SMARCB1: variants seen among roughly 807,000 people sequenced by gnomAD.
The protein encoded by SMARCB1 is SWI/SNF-related matrix-associated actin-dependent regulator of chromatin subfamily B member 1.
Under a neutral mutation model 49.0 loss-of-function variants are expected in SMARCB1, and 5 were observed. The observed-to-expected ratio is 0.10, with a 90% CI of 0.05 to 0.21. The LOEUF is 0.21. SMARCB1 is among the 10% of genes least tolerant of loss of function. The pLI is 1.00. For synonymous variants in SMARCB1, 201 were observed against 200.1 expected (o/e 1.00, Z -0.04); for missense variants, 226 against 509.2 (o/e 0.44, Z 5.35).
Position 23,834,856 on chromosome 22 carries a change from T to C in SMARCB1, c.*676T>C, listed in dbSNP as rs759530291. The C allele has an allele frequency of 6.2e-7, 1 of 1,612,564 alleles. No individual in the cohort carries two copies. The highest frequency in any genetic ancestry group is 2.2e-5 in the East Asian group (1 of 44,878). ...GAAGGTGCCGCGAGCTCTCCTGCCG[T>C]CCCTGGGCCGCCCTGGCTCTGCTGT... On this transcript the variant is annotated 3_prime_UTR_variant, in exon 9 of 9. Transcript: ENST00000644036.
chr22:23,837,762 C>T lies in SMARCB1; in HGVS notation c.*3582C>T. 1 of 1,614,012 alleles carries T rather than the reference C, an allele frequency of 6.2e-7. No homozygotes were observed. Among genetic ancestry groups the T allele is most frequent in the Non-Finnish European group, 8.5e-7 (1 of 1,180,018 alleles). On this transcript the variant is annotated 3_prime_UTR_variant, in exon 9 of 9. Coordinates refer to ENST00000644036, the MANE Select transcript of SMARCB1 (RefSeq NM_003073.5). ...AAGTGAGCAGGCCGAAGAAGTTGAC[C>T]CTCACCCGAGGGCTGCGGCGGCTCC...
intron 7 of SMARCB1, among the ~76,000 whole-genome samples, chr22:23,832,775 G>A (rs769371610): frequency 2.6e-5 from 4 of 152,176 alleles, no homozygotes; most frequent in Non-Finnish European, 4.4e-5. Context: ...CCAGAGAGGC[G>A]GCAGCCAGCC....
chr22:23,813,883 G>T (rs1930026388), intron 5 of SMARCB1, among the ~76,000 whole-genome samples: 1 of 152,136 alleles, frequency 6.6e-6, no homozygotes, highest in African/African-American at 2.4e-5. Context: ...AGGCTGGAGT[G>T]CAGTGGCATG....
intron 5 of SMARCB1, among the ~76,000 whole-genome samples, chr22:23,814,123 C>T (rs1276021958): frequency 2.6e-5 from 4 of 152,170 alleles, no homozygotes; most frequent in Non-Finnish European, 5.9e-5. Flanking sequence ...AGCCACCACA[C>T]CCGGCCAGCA....
intron 6 of SMARCB1, among the ~76,000 whole-genome samples, chr22:23,822,354 C>G (rs1292984083): frequency 6.6e-6 from 1 of 152,128 alleles, no homozygotes; most frequent in Non-Finnish European, 1.5e-5. Context: ...TGAGTCAGGG[C>G]TGGGGAGGTG....
At chr22:23,816,343 G>C (rs145003135) in intron 5 of SMARCB1, 322 of 304,026 alleles carry the variant, frequency 1.1e-3, no homozygotes, top group African/African-American at 6.4e-3. Context: ...AGTGTGTTTT[G>C]CTCACATGAG....
rs1601382249 is a variant in SMARCB1 at position 23,787,090 on chromosome 22, C to T, written c.-80C>T. 8.8e-6 allele frequency: 8 copies of T among 913,500 alleles called. No homozygotes were observed. In the South Asian group the frequency reaches 1.1e-4, roughly 12 times the overall value. 56.6% of individuals were successfully genotyped at this position (913,500 alleles called of 1,614,324 possible). A position where few individuals can be genotyped will look rare whatever the true frequency, so the allele number is the denominator to read the frequency against. On this transcript the variant is annotated 5_prime_UTR_variant, in exon 1 of 9. Transcript: ENST00000644036. ...TTCGCCTTCCGGCTTCGGTTTCCCT[C>T]GGCCCAGCACGCCCCGGCCCCGCCC...
Position 23,837,784 on chromosome 22 carries a change from C to T in SMARCB1, c.*3604C>T. ...GACCCTCACCCGAGGGCTGCGGCGG[C>T]TCCACACGTACACCAGCATGGCCAT... is the stretch of plus-strand genomic sequence containing the variant. On this transcript the variant is annotated 3_prime_UTR_variant, in exon 9 of 9. Transcript: ENST00000644036. The T allele has an allele frequency of 6.2e-7, 1 of 1,613,856 alleles. No homozygotes were observed.
At chr22:23,790,877 T>A (rs1344714869) in intron 1 of SMARCB1, among the ~76,000 whole-genome samples, 1 of 152,108 alleles carries the variant, frequency 6.6e-6, no homozygotes, top group Non-Finnish European at 1.5e-5. Context: ...AAAATAAATT[T>A]AAAAATGCAA....
Position 23,834,537 on chromosome 22 carries a change from CAA to C in SMARCB1, c.*359_*360del. On this transcript the variant is annotated 3_prime_UTR_variant, in exon 9 of 9. Coordinates refer to ENST00000644036, the MANE Select transcript of SMARCB1 (RefSeq NM_003073.5). ...TTCAACAGGTCATGTTCAATTTCTTCAAAGTTTTAACATAAAAATAATGAGAG... is the reference window on the plus strand; with the variant it reads ...TTCAACAGGTCATGTTCAATTTCTTCAGTTTTAACATAAAAATAATGAGAG... The C allele has an allele frequency of 1.5e-6, 1 of 676,764 alleles. No individual in the cohort carries two copies. The allele number at this position is 676,764 out of a possible 1,614,324, so 41.9% of individuals were successfully genotyped here. A position where few individuals can be genotyped will look rare whatever the true frequency, so the allele number is the denominator to read the frequency against.
In SMARCB1 at chr22:23,834,627, C is replaced by T. The variant is rs778230675; in HGVS notation, c.*447C>T. Reference sequence around the variant, plus strand: ...TATGTGAACAAGGTTGGCACACAGGCCTCACCCTCCTCTGCCTCAGATTCC... The same window carrying T: ...TATGTGAACAAGGTTGGCACACAGGTCTCACCCTCCTCTGCCTCAGATTCC... On this transcript the variant is annotated 3_prime_UTR_variant, in exon 9 of 9. Coordinates refer to ENST00000644036, the MANE Select transcript of SMARCB1 (RefSeq NM_003073.5). 43 of 786,082 alleles carry T rather than the reference C, an allele frequency of 5.5e-5. No individual in the cohort carries two copies. The highest frequency in any genetic ancestry group is 1.6e-5 in the South Asian group (1 of 61,642). The allele number at this position is 786,082 out of a possible 1,614,324, so 48.7% of individuals were successfully genotyped here.
At chr22:23,822,916 C>A (rs2030170337) in intron 6 of SMARCB1, among the ~76,000 whole-genome samples, 1 of 142,882 alleles carries the variant, frequency 7.0e-6, no homozygotes, top group South Asian at 2.4e-4. Context: ...CACATGCTCA[C>A]TTAACCTACT....
chr22:23,808,295 T>C (rs373297088), intron 5 of SMARCB1, among the ~76,000 whole-genome samples: 7 of 152,216 alleles, frequency 4.6e-5, no homozygotes, highest in East Asian at 1.9e-4. Flanking sequence ...TAATTTTTTG[T>C]ATTTTTTAGT....
intron 7 of SMARCB1, among the ~76,000 whole-genome samples, chr22:23,829,593 C>T (rs1206081703): frequency 6.6e-6 from 1 of 152,200 alleles, no homozygotes; most frequent in Non-Finnish European, 1.5e-5. Context: ...GCTGGTTGAG[C>T]GTAAGCCTCA....
At chr22:23,807,793 T>C (rs900710613) in intron 5 of SMARCB1, among the ~76,000 whole-genome samples, 2 of 110,572 alleles carry the variant, frequency 1.8e-5, no homozygotes, top group African/African-American at 5.3e-5. Context: ...GATTTCTTTT[T>C]TTTTCTTTTT....
chr22:23,813,314 G>T (rs550051476), intron 5 of SMARCB1, among the ~76,000 whole-genome samples: 1 of 152,226 alleles, frequency 6.6e-6, no homozygotes, highest in Non-Finnish European at 1.5e-5. Flanking sequence ...AATAAAAGAC[G>T]TGTAGATTGG....
intron 3 of SMARCB1, among the ~76,000 whole-genome samples, chr22:23,798,050 C>G (rs908372381): frequency 6.6e-6 from 1 of 152,166 alleles, no homozygotes; most frequent in African/African-American, 2.4e-5. Flanking sequence ...TGAGAACTTG[C>G]TACTGAGATA....
chr22:23,793,382 A>G (rs1243118848), intron 2 of SMARCB1, 177 bp from the exon 3 acceptor site: 1 of 751,122 alleles, frequency 1.3e-6, no homozygotes, highest in Non-Finnish European at 2.4e-6. Flanking sequence ...ACTTGTAAGT[A>G]AAGCACTCAG....
intron 3 of SMARCB1, among the ~76,000 whole-genome samples, chr22:23,798,417 T>A (rs746834774): frequency 2.0e-5 from 3 of 151,898 alleles, no homozygotes; most frequent in Non-Finnish European, 2.9e-5. Flanking sequence ...AATAAAAAAA[T>A]TTAAAAATTG....
Sources: gnomAD v4.1 joint callset for allele counts (sites outside exome capture counted in the v4.1 genomes callset) on GRCh38, gnomAD v4.1.1 for gene constraint, MANE v1.5 for transcripts, NCBI Gene and HGNC (gene_info 2026-07-23, HGNC 2026-07-21) for gene names.